Variants in ST6GALNAC5 observed in about 807,000 individuals in gnomAD.
ST6GALNAC5 encodes alpha-N-acetylgalactosaminide alpha-2,6-sialyltransferase 5.
In ST6GALNAC5, 27 loss-of-function variants were observed where a neutral mutation model predicts 33.6. The observed-to-expected ratio is 0.80, with a 90% CI of 0.59 to 1.11. The LOEUF (loss-of-function observed/expected upper bound fraction) is 1.11. Among genes scored for constraint, ST6GALNAC5 ranks in the 50% least tolerant of loss-of-function variants. The probability of loss-of-function intolerance (pLI) is 0.00; values close to 1 mark genes in which losing one functional copy is unlikely to be tolerated. For synonymous variants in ST6GALNAC5, 194 were observed against 171.2 expected (o/e 1.13, Z -1.04); for missense variants, 428 against 454.0 (o/e 0.94, Z 0.52).
intron 2 of ST6GALNAC5, among the ~76,000 whole-genome samples, chr1:76,992,734 A>G (rs1251966429): frequency 6.6e-6 from 1 of 152,130 alleles, no homozygotes; most frequent in African/African-American, 2.4e-5. Context: ...AGCTCAAGTT[A>G]TCTGCCCACC....
intron 2 of ST6GALNAC5, among the ~76,000 whole-genome samples, chr1:76,993,253 A>G (rs1014547111): frequency 3.3e-5 from 5 of 152,136 alleles, no homozygotes; most frequent in African/African-American, 1.2e-4. Flanking sequence ...TTGTGCAATA[A>G]TTACATCTTT....
rs1323397709 is a variant in ST6GALNAC5 at position 77,067,169 on chromosome 1, A to ATG, written c.*3968_*3969dup. ...ATAATAATAAGCCCTGGGGGGCAGG[A>ATG]TGTGTGAACCAATTGCCTAGGTGTT... On this transcript the variant is annotated 3_prime_UTR_variant, in exon 5 of 5. Transcript: ENST00000477717. 6.6e-6 allele frequency among the ~76,000 whole-genome samples: 1 copy of ATG among 152,048 alleles called. No homozygotes were observed. The highest frequency in any genetic ancestry group is 2.4e-5 in the African/African-American group (1 of 41,384).
intron 2 of ST6GALNAC5, among the ~76,000 whole-genome samples, chr1:77,020,488 C>T (rs1651012473): frequency 6.6e-6 from 1 of 152,146 alleles, no homozygotes; most frequent in East Asian, 1.9e-4. Flanking sequence ...GCAACCTGCA[C>T]CTCCCAAGCT....
At chr1:77,018,488 G>A (rs1198889869) in intron 2 of ST6GALNAC5, among the ~76,000 whole-genome samples, 4 of 152,102 alleles carry the variant, frequency 2.6e-5, no homozygotes, top group Non-Finnish European at 5.9e-5. Context: ...CTGAGAAATG[G>A]AAAAGCCATT....
rs116172709 is a variant in ST6GALNAC5 at position 76,998,878 on chromosome 1, G to A, written c.262-45326G>A. Reference sequence around the variant, plus strand: ...ATACTACTTGAAAGTTCCATCTTCCGTAAATAACAGCCAGCCTGTTATAGA... The same window carrying A: ...ATACTACTTGAAAGTTCCATCTTCCATAAATAACAGCCAGCCTGTTATAGA... On this transcript the variant is annotated intron_variant, in intron 2 of 4. Transcript: ENST00000477717. Among the ~76,000 whole-genome samples the A allele has an allele frequency of 9.9e-4, 151 of 152,192 alleles. 1 individual carries two copies. The highest frequency in any genetic ancestry group is 3.1e-3 in the African/African-American group (129 of 41,490).
intron 2 of ST6GALNAC5, among the ~76,000 whole-genome samples, chr1:76,876,933 G>A (rs1206220278): frequency 6.6e-6 from 1 of 152,182 alleles, no homozygotes; most frequent in East Asian, 1.9e-4. Flanking sequence ...GAGACCATGG[G>A]CATTTGAGCC....
chr1:76,934,797 G>GAAAGA (rs985947508), intron 2 of ST6GALNAC5, among the ~76,000 whole-genome samples: 4 of 151,928 alleles, frequency 2.6e-5, no homozygotes, highest in Non-Finnish European at 4.4e-5. Flanking sequence ...TAGAGAAAAA[G>GAAAGA]AAAGAAAAGA....
intron 2 of ST6GALNAC5, among the ~76,000 whole-genome samples, chr1:76,982,324 C>G (rs1276662762): frequency 1.3e-5 from 2 of 152,152 alleles, no homozygotes; most frequent in Non-Finnish European, 2.9e-5. Flanking sequence ...CTTAAATGAC[C>G]TGATGGAGCT....
intron 2 of ST6GALNAC5, among the ~76,000 whole-genome samples, chr1:76,883,766 C>T (rs767616821): frequency 1.1e-4 from 16 of 152,186 alleles, no homozygotes; most frequent in Non-Finnish European, 2.2e-4. Context: ...CATTCATTCC[C>T]TCATTTATTA....
intron 2 of ST6GALNAC5, among the ~76,000 whole-genome samples, chr1:76,945,448 T>A (rs1013870618): frequency 1.3e-5 from 2 of 152,100 alleles, no homozygotes; most frequent in Non-Finnish European, 2.9e-5. Context: ...ACCAAAGTCA[T>A]AAATCATCCC....
Position 76,906,387 on chromosome 1 carries a change from C to A in ST6GALNAC5, c.261+37645C>A, listed in dbSNP as rs1042362391. Among the ~76,000 whole-genome samples the A allele has an allele frequency of 7.9e-5, 12 of 152,248 alleles. No homozygotes were observed. In the East Asian group the frequency reaches 2.3e-3, roughly 29 times the overall value. The stretch of plus-strand genomic sequence containing the variant: ...CATGGGGGAAATGAAGTGGCAGTGT[C>A]TTTCCTAACTATTGCTAAAGGTGAA... On this transcript the variant is annotated intron_variant, in intron 2 of 4. Transcript: ENST00000477717.
chr1:76,991,177 A>C (rs1238543782), intron 2 of ST6GALNAC5, among the ~76,000 whole-genome samples: 3 of 152,184 alleles, frequency 2.0e-5, no homozygotes, highest in African/African-American at 7.2e-5. Flanking sequence ...GAAAATAAAC[A>C]ACCCTACAGG....
chr1:76,975,108 A>C (rs1648953176), intron 2 of ST6GALNAC5, among the ~76,000 whole-genome samples: 1 of 151,816 alleles, frequency 6.6e-6, no homozygotes, highest in Non-Finnish European at 1.5e-5. Context: ...ATTTCATGAG[A>C]TTCTAAGTCT....
intron 2 of ST6GALNAC5, among the ~76,000 whole-genome samples, chr1:76,879,191 CA>C (rs1327161703): frequency 1.3e-5 from 2 of 152,174 alleles, no homozygotes; most frequent in African/African-American, 4.8e-5. Flanking sequence ...TCCACCATCC[CA>C]ATCTCCCTAA....
intron 2 of ST6GALNAC5, among the ~76,000 whole-genome samples, chr1:77,040,862 T>C (rs1651808845): frequency 6.6e-6 from 1 of 152,198 alleles, no homozygotes; most frequent in South Asian, 2.1e-4. Flanking sequence ...ATGTGCTGAG[T>C]TACACAGAAC....
At chr1:76,900,128 A>G (rs936651874) in intron 2 of ST6GALNAC5, among the ~76,000 whole-genome samples, 4 of 152,160 alleles carry the variant, frequency 2.6e-5, no homozygotes, top group Non-Finnish European at 5.9e-5. Context: ...GGGTAGATAA[A>G]GGAAAATTAC....
At chr1:77,048,646 C>G (rs573443212) in intron 3 of ST6GALNAC5, among the ~76,000 whole-genome samples, 1 of 152,076 alleles carries the variant, frequency 6.6e-6, no homozygotes, top group Non-Finnish European at 1.5e-5. Flanking sequence ...TACACAGCCC[C>G]CAGTAGCAGA....
intron 2 of ST6GALNAC5, among the ~76,000 whole-genome samples, chr1:76,913,387 A>C (rs1307458111): frequency 1.3e-5 from 2 of 151,000 alleles, no homozygotes; most frequent in Non-Finnish European, 2.9e-5. Context: ...GAATCTGACT[A>C]TTATGTGTCT....
intron 2 of ST6GALNAC5, among the ~76,000 whole-genome samples, chr1:76,899,151 C>G (rs1348648679): frequency 2.6e-5 from 4 of 152,026 alleles, no homozygotes; most frequent in Non-Finnish European, 2.9e-5. Context: ...GGTCAAGCGG[C>G]ATTGCAGAAG....
Sources: gnomAD v4.1 joint callset for allele counts (sites outside exome capture counted in the v4.1 genomes callset) on GRCh38, gnomAD v4.1.1 for gene constraint, MANE v1.5 for transcripts, NCBI Gene and HGNC (gene_info 2026-07-23, HGNC 2026-07-21) for gene names.